The following ZNF385D variants were observed in gnomAD, a reference collection of about 807,000 sequenced individuals.
ZNF385D encodes the protein zinc finger protein 385D.
Under a neutral mutation model 35.8 loss-of-function variants are expected in ZNF385D, and 15 were observed. That is an observed-to-expected ratio of 0.42 (90% CI 0.28 to 0.64). The LOEUF (loss-of-function observed/expected upper bound fraction) is 0.64, where lower values mean the gene tolerates loss of function less well. ZNF385D is among the 30% of genes least tolerant of loss of function. The pLI is 0.23. For missense variants in ZNF385D, 474 were observed against 494.6 expected (o/e 0.96, Z 0.39); for synonymous variants, 212 against 186.8 (o/e 1.13, Z -1.10).
At position 21,539,561 on chromosome 3, in the gene ZNF385D, T is replaced by C. The variant is rs2062122656; in HGVS notation, c.276+25013A>G. On this transcript the variant is annotated intron_variant, in intron 3 of 7. Coordinates refer to ENST00000281523, the MANE Select transcript of ZNF385D (RefSeq NM_024697.3). This position sits in a 1 kb window ranked among gnomAD's most constrained non-coding sequence, Gnocchi z 4.0. ...GTTAGTTTGTTTTCTTTATGCTTTG[T>C]ACTCTAAATGTTAAAATGATTCTCT... is the stretch of plus-strand genomic sequence containing the variant. 6.6e-6 allele frequency among the ~76,000 whole-genome samples: 1 copy of C among 152,196 alleles called. No homozygotes were observed. Among genetic ancestry groups the C allele is most frequent in the Non-Finnish European group, 1.5e-5 (1 of 68,026 alleles).
At chr3:21,993,903 A>T (rs1695304683) in intron 3 of ZNF385D, among the ~76,000 whole-genome samples, 1 of 152,166 alleles carries the variant, frequency 6.6e-6, no homozygotes, top group African/African-American at 2.4e-5. Flanking sequence ...GCTTTTTTCC[A>T]ATGCCAAACC....
chr3:21,958,204 C>T (rs151286310), intron 3 of ZNF385D, among the ~76,000 whole-genome samples: 121 of 152,210 alleles, frequency 7.9e-4, no homozygotes, highest in African/African-American at 1.7e-3. Flanking sequence ...AGAATATCAG[C>T]GTGCACCAAT....
chr3:21,847,547 G>A (rs183628850), intron 3 of ZNF385D, among the ~76,000 whole-genome samples: 3 of 152,002 alleles, frequency 2.0e-5, no homozygotes, highest in Admixed American at 6.6e-5. Flanking sequence ...AAAAAAGAGG[G>A]GAATTAAATA....
intron 3 of ZNF385D, among the ~76,000 whole-genome samples, chr3:21,531,640 A>T (rs2061924827): frequency 6.6e-6 from 1 of 152,230 alleles, no homozygotes; most frequent in African/African-American, 2.4e-5. Context: ...CGAAGAAGCC[A>T]ATCTGAGAAA....
At chr3:22,239,405 T>A (rs1699366784) in intron 2 of ZNF385D, among the ~76,000 whole-genome samples, 1 of 151,030 alleles carries the variant, frequency 6.6e-6, no homozygotes, top group South Asian at 2.2e-4. Flanking sequence ...TTTTAAAGTG[T>A]CCTAAGCCAA....
chr3:22,095,160 C>T (rs1701548114), intron 3 of ZNF385D, among the ~76,000 whole-genome samples: 1 of 146,032 alleles, frequency 6.8e-6, no homozygotes, highest in Non-Finnish European at 1.5e-5. Context: ...CTCTAAAACT[C>T]CTGGCCTCAA....
intron 3 of ZNF385D, among the ~76,000 whole-genome samples, chr3:21,974,717 C>T (rs917185852): frequency 6.6e-6 from 1 of 151,934 alleles, no homozygotes; most frequent in African/African-American, 2.4e-5. Flanking sequence ...GCTCAGACAA[C>T]TCAATAAGAA....
intron 3 of ZNF385D, among the ~76,000 whole-genome samples, chr3:21,826,228 C>T (rs1169645128): frequency 6.6e-6 from 1 of 152,194 alleles, no homozygotes; most frequent in African/African-American, 2.4e-5. Context: ...CTGTTGAAGG[C>T]TGACTACAAA....
chr3:21,838,240 G>C (rs1695448639), intron 3 of ZNF385D, among the ~76,000 whole-genome samples: 1 of 152,124 alleles, frequency 6.6e-6, no homozygotes, highest in South Asian at 2.1e-4. Flanking sequence ...GGGAGACAAT[G>C]CAGGTGATAA....
In ZNF385D at chr3:21,414,255, GA is replaced by G. The variant is rs1700531928; in HGVS notation, c.*6958del. On this transcript the variant is annotated 3_prime_UTR_variant, in exon 8 of 8. Transcript: ENST00000281523. ...CAGTTAGGAGACCTTAGTTGAAACT[GA>G]CATAAGATTTTTGCTGATAAAATAA... The G allele has an allele frequency of 6.6e-6, 1 of 151,940 alleles. No homozygotes were observed. 9.4% of individuals were successfully genotyped at this position (151,940 alleles called of 1,614,324 possible).
chr3:21,789,192 T>C (rs978074848), intron 3 of ZNF385D, among the ~76,000 whole-genome samples: 1 of 152,218 alleles, frequency 6.6e-6, no homozygotes, highest in Non-Finnish European at 1.5e-5. Flanking sequence ...AAATACTGAT[T>C]TAATTAAATC....
intron 3 of ZNF385D, among the ~76,000 whole-genome samples, chr3:21,925,379 T>C (rs757307958): frequency 7.2e-5 from 11 of 152,128 alleles, no homozygotes; most frequent in Admixed American, 3.3e-4. Flanking sequence ...GCAAAATTCA[T>C]TGAAGAACAA....
intron 2 of ZNF385D, among the ~76,000 whole-genome samples, chr3:22,318,928 C>T (rs933148010): frequency 6.6e-6 from 1 of 151,986 alleles, no homozygotes; most frequent in East Asian, 1.9e-4. Flanking sequence ...GGTTAAGTTC[C>T]CTAGAATGCA....
At chr3:21,949,752 C>T (rs1679240) in intron 3 of ZNF385D, among the ~76,000 whole-genome samples, 139,375 of 151,766 alleles carry the variant, frequency 0.92, 64,108 homozygotes, top group East Asian at 0.98. Context: ...TTCCCCTCCA[C>T]GCGTCCATGT....
At chr3:22,281,220 CCTTT>C (rs1701719816) in intron 2 of ZNF385D, among the ~76,000 whole-genome samples, 1 of 151,908 alleles carries the variant, frequency 6.6e-6, no homozygotes, top group South Asian at 2.1e-4. Context: ...GTTTGGATAC[CCTTT>C]CTTTCTTTCT....
At chr3:22,226,985 T>C (rs997034467) in intron 2 of ZNF385D, among the ~76,000 whole-genome samples, 6 of 152,202 alleles carry the variant, frequency 3.9e-5, no homozygotes, top group African/African-American at 1.2e-4. Context: ...TAGACTCTTG[T>C]TACTCATGGT....
At chr3:21,616,456 C>A (rs577075092) in intron 2 of ZNF385D, among the ~76,000 whole-genome samples, 1 of 152,056 alleles carries the variant, frequency 6.6e-6, no homozygotes, top group South Asian at 2.1e-4. Context: ...AATTTCCTTG[C>A]GGGAGAATTT....
At chr3:22,189,189 G>C (rs1695851839) in intron 2 of ZNF385D, among the ~76,000 whole-genome samples, 1 of 152,104 alleles carries the variant, frequency 6.6e-6, no homozygotes, top group African/African-American at 2.4e-5. Context: ...GACTTCTTAT[G>C]AACTGTGTTT....
chr3:21,430,744 C>T (rs1354285645), intron 5 of ZNF385D, among the ~76,000 whole-genome samples: 1 of 152,132 alleles, frequency 6.6e-6, no homozygotes, highest in African/African-American at 2.4e-5. Flanking sequence ...AAAAACAAGG[C>T]CCTTCCTTAA....
Sources: gnomAD v4.1 joint callset for allele counts (sites outside exome capture counted in the v4.1 genomes callset) on GRCh38, gnomAD v4.1.1 for gene constraint, Gnocchi (gnomAD v3.1) non-coding constraint, MANE v1.5 for transcripts, NCBI Gene and HGNC (gene_info 2026-07-23, HGNC 2026-07-21) for gene names.